The following WDR89 variants were observed in gnomAD, a reference collection of about 807,000 sequenced individuals.
WDR89 encodes the protein WD repeat domain 89.
Under a neutral mutation model 29.1 loss-of-function variants are expected in WDR89, and 17 were observed. That is an observed-to-expected ratio of 0.58 (90% CI 0.40 to 0.88). The LOEUF is 0.88. Among genes scored for constraint, WDR89 ranks in the 40% least tolerant of loss-of-function variants. The probability of loss-of-function intolerance (pLI) is 0.00; values close to 1 mark genes in which losing one functional copy is unlikely to be tolerated. For synonymous variants in WDR89, 138 were observed against 157.8 expected (o/e 0.87, Z 0.94); for missense variants, 396 against 456.3 (o/e 0.87, Z 1.20).
intron 1 of WDR89, among the ~76,000 whole-genome samples, chr14:63,631,977 T>C (rs1261234793): frequency 6.6e-6 from 1 of 151,716 alleles, no homozygotes; most frequent in Non-Finnish European, 1.5e-5. Context: ...CCGGGCGTGA[T>C]GGGACACGCC....
At chr14:63,602,913 ATTTAT>A (rs1566789626) in intron 2 of WDR89, among the ~76,000 whole-genome samples, 1 of 152,152 alleles carries the variant, frequency 6.6e-6, no homozygotes, top group East Asian at 1.9e-4. Context: ...GTTTTTTAAA[ATTTAT>A]TTTATTTTTT....
chr14:63,612,404 C>CTG (rs1436869298), intron 2 of WDR89, among the ~76,000 whole-genome samples: 1 of 151,064 alleles, frequency 6.6e-6, no homozygotes, highest in African/African-American at 2.4e-5. Context: ...CTGCTCACTG[C>CTG]AACCTCTGCC....
chr14:63,612,383 T>A (rs1247932048), intron 2 of WDR89, among the ~76,000 whole-genome samples: 1 of 151,150 alleles, frequency 6.6e-6, no homozygotes, highest in Admixed American at 6.6e-5. Context: ...TAGAGTGTAG[T>A]GGTGGGATCT....
Position 63,605,553 on chromosome 14 carries a change from G to A in WDR89, c.-31-5580C>T, listed in dbSNP as rs145716353. ...CAGCTCACTGCGACCTCTGCCTCCCGGGTTCAAGAAATTCTCCTGCCTCAG... is the reference window on the plus strand; with the variant it reads ...CAGCTCACTGCGACCTCTGCCTCCCAGGTTCAAGAAATTCTCCTGCCTCAG... On this transcript the variant is annotated intron_variant, in intron 2 of 2. Coordinates refer to ENST00000620954, the MANE Select transcript of WDR89 (RefSeq NM_080666.4). Among the ~76,000 whole-genome samples, 1,151 of 151,648 alleles carry A rather than the reference G, an allele frequency of 7.6e-3. 11 individuals carry two copies. Among genetic ancestry groups the A allele is most frequent in the African/African-American group, 0.026 (1,080 of 41,310 alleles).
chr14:63,600,018 A>G (rs1894987817), intron 2 of WDR89, 45 bp from the exon 3 acceptor site: 3 of 1,155,860 alleles, frequency 2.6e-6, no homozygotes, highest in Non-Finnish European at 3.4e-6. Flanking sequence ...ATGCTTAACA[A>G]GGGAGACACA....
At chr14:63,609,027 G>A (rs1276029116) in intron 2 of WDR89, among the ~76,000 whole-genome samples, 2 of 151,864 alleles carry the variant, frequency 1.3e-5, no homozygotes, top group East Asian at 3.9e-4. Context: ...CAAGGGAATC[G>A]CTTGAAGCCG....
In WDR89 at chr14:63,601,383, T is replaced by C; in HGVS notation, c.-31-1410A>G. ...CGGACTGTGCTCTAAACCACCATAC[T>C]AGATTGCCTCTCCAGGGTGGGCTGT... On this transcript the variant is annotated intron_variant, in intron 2 of 2. Coordinates refer to ENST00000620954, the MANE Select transcript of WDR89 (RefSeq NM_080666.4). 4.8e-6 allele frequency: 3 copies of C among 623,132 alleles called. No homozygotes were observed. The East Asian group carries it at 8.3e-5, about 17-fold the overall frequency. 38.6% of individuals were successfully genotyped at this position (623,132 alleles called of 1,614,324 possible). A position where few individuals can be genotyped will look rare whatever the true frequency, so the allele number is the denominator to read the frequency against.
In WDR89 at chr14:63,599,527, T is replaced by G; in HGVS notation, c.416A>C (p.Asp139Ala). ...IICAGTEKVDDDALLVFWDAR... is the reference protein window; with the variant it reads ...IICAGTEKVDADALLVFWDAR... ...ATCCCAAAACACCAACAATGCATCA[T>G]CATCAACTTTTTCTGTACCAGCACA... The change falls in exon 3 of 3, where the codon GAT (aspartate) becomes GCT (alanine). Residue 139 changes from aspartate (D) to alanine (A), a missense_variant. Asp to Ala is a moderately radical substitution (Grantham distance 126, BLOSUM62 -2). Transcript: ENST00000620954. The G allele has an allele frequency of 1.2e-6, 2 of 1,614,168 alleles. No individual in the cohort carries two copies. The highest frequency in any genetic ancestry group is 1.7e-6 in the Non-Finnish European group (2 of 1,180,020).
rs1029465132 is a variant in WDR89, at chr14:63,598,777, T to C, written c.*2A>G. Reference sequence around the variant, plus strand: ...CTACCAAACAAAGTGCCAAATGCATTATCACTGCTTTTTCCTTCTTTTATA... The same window carrying C: ...CTACCAAACAAAGTGCCAAATGCATCATCACTGCTTTTTCCTTCTTTTATA... On this transcript the variant is annotated 3_prime_UTR_variant, in exon 3 of 3. Transcript: ENST00000620954. The C allele has an allele frequency of 4.5e-6, 7 of 1,571,852 alleles. No individual in the cohort carries two copies. The highest frequency in any genetic ancestry group is 1.9e-5 in the Admixed American group (1 of 53,534).
chr14:63,611,100 A>C (rs999558033), intron 2 of WDR89, among the ~76,000 whole-genome samples: 1 of 151,470 alleles, frequency 6.6e-6, no homozygotes, highest in Non-Finnish European at 1.5e-5. Context: ...GCACTCGGGG[A>C]GGCTGAGACA....
chr14:63,610,982 G>A (rs1215009242), intron 2 of WDR89, among the ~76,000 whole-genome samples: 2 of 151,920 alleles, frequency 1.3e-5, no homozygotes, highest in Admixed American at 1.3e-4. Flanking sequence ...TTATAGGCAT[G>A]AGCCACTGTG....
At chr14:63,613,700 A>G (rs1368020682) in intron 2 of WDR89, among the ~76,000 whole-genome samples, 2 of 151,662 alleles carry the variant, frequency 1.3e-5, no homozygotes, top group Non-Finnish European at 2.9e-5. Context: ...TGGGGTTTCA[A>G]CATCTTGGCC....
intron 1 of WDR89, among the ~76,000 whole-genome samples, chr14:63,633,106 C>T (rs1030045929): frequency 6.6e-6 from 1 of 152,030 alleles, no homozygotes; most frequent in African/African-American, 2.4e-5. Context: ...GGCACAAAAG[C>T]AGCACTCATA....
At chr14:63,619,396 A>G (rs1469052105) in intron 2 of WDR89, among the ~76,000 whole-genome samples, 1 of 152,168 alleles carries the variant, frequency 6.6e-6, no homozygotes, top group Non-Finnish European at 1.5e-5. Context: ...CTTAGTCTCT[A>G]CTATTCTTCT....
rs550582162 is a variant in WDR89 at position 63,604,808 on chromosome 14, C to T, written c.-31-4835G>A. ...ACACATTAAAATCACCACGTAAGGA[C>T]GCTGCGGTCAATGACAGACCACATT... On this transcript the variant is annotated intron_variant, in intron 2 of 2. Transcript: ENST00000620954. Among the ~76,000 whole-genome samples, 17 of 152,250 alleles carry T rather than the reference C, an allele frequency of 1.1e-4. No homozygotes were observed. In the South Asian group the frequency reaches 1.9e-3, roughly 17 times the overall value.
rs1882933722 is a variant in WDR89, at chr14:63,624,958, A to G, written c.-62T>C. 1 of 152,214 alleles carries G rather than the reference A, an allele frequency of 6.6e-6. No individual in the cohort carries two copies. Among genetic ancestry groups the G allele is most frequent in the South Asian group, 2.1e-4 (1 of 4,830 alleles). The allele number at this position is 152,214 out of a possible 1,614,324, so 9.4% of individuals were successfully genotyped here. On this transcript the variant is annotated 5_prime_UTR_variant, in exon 2 of 3. Transcript: ENST00000620954. ...AAGCCCACTTTTAGGTATTTACTCA[A>G]GAGAAATGACAACTTATGTCCGTAC... is the stretch of plus-strand genomic sequence containing the variant.
At chr14:63,638,775 T>C (rs1342169402) in intron 1 of WDR89, among the ~76,000 whole-genome samples, 1 of 152,240 alleles carries the variant, frequency 6.6e-6, no homozygotes, top group East Asian at 1.9e-4. Flanking sequence ...TTTGTTTTTC[T>C]CTTATAGTCC....
At chr14:63,601,815 A>G in intron 2 of WDR89, 2 of 1,028,986 alleles carry the variant, frequency 1.9e-6, no homozygotes, top group South Asian at 2.5e-5. Flanking sequence ...CGTAAACTGA[A>G]ATAAGTCACT....
intron 2 of WDR89, among the ~76,000 whole-genome samples, chr14:63,622,592 C>A (rs953381294): frequency 6.6e-6 from 1 of 151,504 alleles, no homozygotes; most frequent in East Asian, 2.0e-4. Context: ...AAAAAACAAA[C>A]AATCAAACAA....
Sources: gnomAD v4.1 joint callset for allele counts (sites outside exome capture counted in the v4.1 genomes callset) on GRCh38, gnomAD v4.1.1 for gene constraint, MANE v1.5 for transcripts, NCBI Gene and HGNC (gene_info 2026-07-23, HGNC 2026-07-21) for gene names.